PIBF1: variants seen among roughly 807,000 people sequenced by gnomAD.
The protein encoded by PIBF1 is progesterone immunomodulatory binding factor 1.
A neutral mutation model predicts 112.5 loss-of-function variants in PIBF1; 90 were observed. The ratio of observed to expected loss-of-function variants is 0.80; its 90% CI spans 0.67 to 0.95. The LOEUF (loss-of-function observed/expected upper bound fraction) is 0.95, where lower values mean the gene tolerates loss of function less well. Among genes scored for constraint, PIBF1 ranks in the 40% least tolerant of loss-of-function variants. The pLI, the probability that PIBF1 is intolerant of heterozygous loss-of-function variation, is 0.00. For missense variants in PIBF1, 915 were observed against 852.3 expected, an observed-to-expected ratio of 1.07 and a Z score of -0.92; for synonymous variants, 301 against 288.6, an observed-to-expected ratio of 1.04 and a Z score of -0.44.
intron 5 of PIBF1, among the ~76,000 whole-genome samples, chr13:72,811,634 C>T (rs1006550051): frequency 1.3e-5 from 2 of 150,940 alleles, no homozygotes; most frequent in Admixed American, 6.6e-5. Context: ...TATATTAATG[C>T]CATTTCTTGC....
chr13:72,893,925 T>G lies in PIBF1; in HGVS notation c.1464T>G (p.Cys488Trp). ...ARNLTQCQLE[C>W]EKYQKKLEVL... The stretch of plus-strand genomic sequence containing the variant: ...ATCTCACACAGTGTCAATTGGAATG[T>G]GAAAAATATCAGAAAAAATTGGAGG... Residue 488 changes from cysteine (C) to tryptophan (W), a missense_variant, in exon 11 of 18, where the codon TGT becomes TGG. Transcript: ENST00000326291. 1 of 1,601,810 alleles carries G rather than the reference T, an allele frequency of 6.2e-7. No homozygotes were observed. The highest frequency in any genetic ancestry group is 8.5e-7 in the Non-Finnish European group (1 of 1,174,770).
intron 14 of PIBF1, among the ~76,000 whole-genome samples, chr13:72,940,245 T>C (rs1158098665): frequency 6.6e-6 from 1 of 152,108 alleles, no homozygotes; most frequent in African/African-American, 2.4e-5. Context: ...ATAGCTTCTT[T>C]TACTGTGTCT....
At chr13:72,804,908 A>G (rs1330002967) in intron 5 of PIBF1, among the ~76,000 whole-genome samples, 1 of 152,228 alleles carries the variant, frequency 6.6e-6, no homozygotes, top group Non-Finnish European at 1.5e-5. Flanking sequence ...AATAAGTAAG[A>G]TACACTGCCA....
At chr13:73,004,719 A>G (rs1268587434) in intron 17 of PIBF1, among the ~76,000 whole-genome samples, 2 of 152,202 alleles carry the variant, frequency 1.3e-5, no homozygotes, top group African/African-American at 2.4e-5. Flanking sequence ...ACCTAGTCAT[A>G]TTAATAGAGA....
At chr13:72,867,294 C>T (rs1049775244) in intron 10 of PIBF1, among the ~76,000 whole-genome samples, 1 of 152,188 alleles carries the variant, frequency 6.6e-6, no homozygotes, top group African/African-American at 2.4e-5. Context: ...AGGAGGCCTC[C>T]TCAGCCATGT....
chr13:72,961,687 A>C (rs1357050833), intron 14 of PIBF1, among the ~76,000 whole-genome samples: 1 of 152,146 alleles, frequency 6.6e-6, no homozygotes, highest in African/African-American at 2.4e-5. Context: ...ATAGATATCC[A>C]CCATTTTGTT....
chr13:72,853,566 G>T (rs951384532), intron 9 of PIBF1, among the ~76,000 whole-genome samples: 5 of 152,076 alleles, frequency 3.3e-5, no homozygotes, highest in African/African-American at 1.2e-4. Flanking sequence ...CTGTCAACCT[G>T]TGTTTCCTTC....
intron 13 of PIBF1, 68 bp from the exon 14 acceptor site, chr13:72,931,097 A>G: frequency 1.1e-6 from 1 of 878,950 alleles, no homozygotes; most frequent in Non-Finnish European, 1.8e-6. Flanking sequence ...CAAGTACACA[A>G]ACACATTTTG....
chr13:72,920,362 G>A (rs2041245770), intron 13 of PIBF1, among the ~76,000 whole-genome samples: 1 of 152,156 alleles, frequency 6.6e-6, no homozygotes, highest in African/African-American at 2.4e-5. Context: ...GGGAAAGTAA[G>A]GCTAGATATC....
At chr13:72,956,091 G>A (rs1196862305) in intron 14 of PIBF1, among the ~76,000 whole-genome samples, 1 of 152,134 alleles carries the variant, frequency 6.6e-6, no homozygotes, top group Non-Finnish European at 1.5e-5. Flanking sequence ...TAACAATACT[G>A]AAAAATTCTT....
At chr13:72,906,731 T>G (rs1166574442) in intron 11 of PIBF1, among the ~76,000 whole-genome samples, 2 of 152,190 alleles carry the variant, frequency 1.3e-5, no homozygotes, top group Non-Finnish European at 2.9e-5. Context: ...AAATAATATC[T>G]TATAAAATAT....
At position 72,917,080 on chromosome 13, in the gene PIBF1, A is replaced by C; in HGVS notation, c.1644A>C (p.Glu548Asp). Reference protein sequence around the residue: ...DEIIMQTAEIENEDEAERVLF... With the variant: ...DEIIMQTAEIDNEDEAERVLF... ...ATACACTTTAATATTTTCCAGTTGA[A>C]AATGAAGATGAGGCTGAAAGGGTTC... The change falls in exon 13 of 18, where the codon GAA becomes GAC. Residue 548 changes from glutamate to aspartate, a missense_variant. Transcript: ENST00000326291. 2 of 1,576,352 alleles carry C rather than the reference A, an allele frequency of 1.3e-6. No individual in the cohort carries two copies. The highest frequency in any genetic ancestry group is 1.7e-6 in the Non-Finnish European group (2 of 1,159,596).
At chr13:72,986,121 C>T (rs964730390) in intron 16 of PIBF1, among the ~76,000 whole-genome samples, 1 of 152,046 alleles carries the variant, frequency 6.6e-6, no homozygotes, top group Non-Finnish European at 1.5e-5. Flanking sequence ...TGTGCTTGCA[C>T]CACTGCACTC....
At chr13:72,982,508 A>G (rs945548476) in intron 16 of PIBF1, among the ~76,000 whole-genome samples, 1 of 152,154 alleles carries the variant, frequency 6.6e-6, no homozygotes, top group East Asian at 1.9e-4. Context: ...ACAAAGAAAA[A>G]CATACCCTTT....
At chr13:72,913,797 A>G (rs2040983219) in intron 12 of PIBF1, among the ~76,000 whole-genome samples, 1 of 151,976 alleles carries the variant, frequency 6.6e-6, no homozygotes, top group South Asian at 2.1e-4. Context: ...GAGTATATGG[A>G]TGTATACTGT....
intron 14 of PIBF1, among the ~76,000 whole-genome samples, chr13:72,950,975 A>C (rs1279850294): frequency 6.6e-6 from 1 of 152,220 alleles, no homozygotes; most frequent in African/African-American, 2.4e-5. Flanking sequence ...TTTCTTCTGA[A>C]AGTGGCCAAT....
At chr13:72,856,410 A>G (rs722478) in intron 10 of PIBF1, among the ~76,000 whole-genome samples, 4,099 of 152,294 alleles carry the variant, frequency 0.027, 74 homozygotes, top group Non-Finnish European at 0.041. Flanking sequence ...GTCATAGTAA[A>G]GCCTTGCTTA....
At chr13:72,927,976 T>TATATATATATACAC (rs2041557935) in intron 13 of PIBF1, among the ~76,000 whole-genome samples, 1 of 81,100 alleles carries the variant, frequency 1.2e-5, no homozygotes, top group African/African-American at 4.0e-5. Flanking sequence ...TATATATATA[T>TATATATATATACAC]ACATATATAT....
At chr13:72,990,409 T>G (rs1416038799) in intron 16 of PIBF1, among the ~76,000 whole-genome samples, 1 of 149,952 alleles carries the variant, frequency 6.7e-6, no homozygotes, top group Non-Finnish European at 1.5e-5. Flanking sequence ...TAGTCCCAGC[T>G]ACTCAGGAGG....
Sources: gnomAD v4.1 joint callset for allele counts (sites outside exome capture counted in the v4.1 genomes callset) on GRCh38, gnomAD v4.1.1 for gene constraint, MANE v1.5 for transcripts, NCBI Gene and HGNC (gene_info 2026-07-23, HGNC 2026-07-21) for gene names.